The following TXK variants were observed in gnomAD, a reference collection of about 807,000 sequenced individuals.
The protein encoded by TXK is TXK tyrosine kinase.
Under a neutral mutation model 81.0 loss-of-function variants are expected in TXK, and 60 were observed. The ratio of observed to expected loss-of-function variants is 0.74; its 90% CI spans 0.60 to 0.92. The LOEUF is 0.92. Among genes scored for constraint, TXK ranks in the 40% least tolerant of loss-of-function variants. The pLI is 0.00. For missense variants in TXK, 581 were observed against 638.3 expected, an observed-to-expected ratio of 0.91 and a Z score of 0.97; for synonymous variants, 203 against 210.7, an observed-to-expected ratio of 0.96 and a Z score of 0.32.
chr4:48,106,265 C>A (rs940112440), intron 5 of TXK: 10 of 152,010 alleles, frequency 6.6e-5, no homozygotes, highest in African/African-American at 2.4e-4. Context: ...AATTCAAGAT[C>A]TTTTAAAATA....
chr4:48,097,587 G>A (rs1170667397), intron 6 of TXK, among the ~76,000 whole-genome samples: 1 of 151,546 alleles, frequency 6.6e-6, no homozygotes, highest in African/African-American at 2.4e-5. Flanking sequence ...ACAGGCGCCT[G>A]CCACCATGCC....
At chr4:48,108,027 C>T (rs891425364) in intron 5 of TXK, among the ~76,000 whole-genome samples, 15 of 151,620 alleles carry the variant, frequency 9.9e-5, no homozygotes, top group Non-Finnish European at 5.9e-5. Context: ...GCCGAGATCA[C>T]GACACTGCAC....
At chr4:48,089,923 C>A in intron 8 of TXK, 99 bp from the exon 9 acceptor site, 1 of 814,922 alleles carries the variant, frequency 1.2e-6, no homozygotes, top group Non-Finnish European at 1.9e-6. Context: ...AATAATTAGA[C>A]AAACAAAATT....
chr4:48,128,899 T>C (rs1719167006), intron 1 of TXK, among the ~76,000 whole-genome samples: 1 of 151,952 alleles, frequency 6.6e-6, no homozygotes, highest in South Asian at 2.1e-4. Context: ...TTAAGGGCCT[T>C]TTGAAGATAG....
Position 48,073,947 on chromosome 4 carries a change from C to G in TXK, c.1345G>C (p.Val449Leu). 3 of 1,605,872 alleles carry G rather than the reference C, an allele frequency of 1.9e-6. No individual in the cohort carries two copies. Among genetic ancestry groups the G allele is most frequent in the Non-Finnish European group, 2.6e-6 (3 of 1,173,884 alleles). The change falls in exon 13 of 15, where the codon GTC becomes CTC. Residue 449 changes from valine to leucine, a missense_variant. Physicochemically the swap from Val to Leu is conservative, Grantham distance 32. Transcript: ENST00000264316. ...LFNKYSSKSD[V>L]WSFGVLMWEV... Reference sequence around the variant, plus strand: ...CAGATGCACTCACCAAATGACCAGACATCAGATTTACTGCTGTACTTATTG... The same window carrying G: ...CAGATGCACTCACCAAATGACCAGAGATCAGATTTACTGCTGTACTTATTG...
At chr4:48,107,548 C>T (rs1718495476) in intron 5 of TXK, among the ~76,000 whole-genome samples, 1 of 151,710 alleles carries the variant, frequency 6.6e-6, no homozygotes, top group South Asian at 2.1e-4. Context: ...TATTTTTTTT[C>T]TTCAACTTTT....
chr4:48,069,304 A>G (rs1020179198), intron 14 of TXK, among the ~76,000 whole-genome samples: 2 of 145,876 alleles, frequency 1.4e-5, no homozygotes, highest in Admixed American at 7.1e-5. Context: ...TCTGTCTCAA[A>G]AATAAATCAA....
intron 1 of TXK, 127 bp from the exon 2 acceptor site, chr4:48,114,529 T>G: frequency 1.1e-6 from 1 of 943,018 alleles, no homozygotes; most frequent in Admixed American, 2.1e-5. Context: ...CTTCCTTCAC[T>G]AGTGGAAGAC....
At chr4:48,095,561 C>T (rs1407293044) in intron 6 of TXK, among the ~76,000 whole-genome samples, 3 of 152,230 alleles carry the variant, frequency 2.0e-5, no homozygotes, top group Non-Finnish European at 2.9e-5. Context: ...TTAAAAATCA[C>T]TGTAGAATAG....
intron 10 of TXK, among the ~76,000 whole-genome samples, chr4:48,085,843 G>C (rs985583634): frequency 1.5e-4 from 23 of 152,212 alleles, no homozygotes; most frequent in East Asian, 3.9e-4. Context: ...ATCCCGCTGA[G>C]AGCCATCTCC....
rs183960368 is a variant in TXK at position 48,120,677 on chromosome 4, G to A, written c.17-6275C>T. On this transcript the variant is annotated intron_variant, in intron 1 of 14. Coordinates refer to ENST00000264316, the MANE Select transcript of TXK (RefSeq NM_003328.3). ...GGCTAATTTTTGTATTTTTAGTAGA[G>A]ATGGGGTTTCACCATTTTGGCTAGG... Among the ~76,000 whole-genome samples the A allele has an allele frequency of 2.4e-3, 372 of 152,100 alleles. 3 individuals carry two copies. Among genetic ancestry groups the A allele is most frequent in the African/African-American group, 8.2e-3 (340 of 41,476 alleles).
intron 6 of TXK, among the ~76,000 whole-genome samples, chr4:48,095,672 C>T (rs879862705): frequency 6.6e-6 from 1 of 151,816 alleles, no homozygotes; most frequent in East Asian, 1.9e-4. Flanking sequence ...GGGAAGGACA[C>T]CAGAGTTCAT....
Position 48,089,798 on chromosome 4 carries a change from C to G in TXK, c.736G>C (p.Val246Leu). ...GGTAAACAACTGCCCATCAGCCCAA[C>G]TGGATATCGGAGACGAGTCATGAGA... is the stretch of plus-strand genomic sequence containing the variant. ...AGLMTRLRYPVGLMGSCLPAT... is the reference protein window; with the variant it reads ...AGLMTRLRYPLGLMGSCLPAT... The change falls in exon 9 of 15, where the codon GTT becomes CTT. Residue 246 changes from valine to leucine, a missense_variant. Coordinates refer to ENST00000264316, the MANE Select transcript of TXK (RefSeq NM_003328.3). 3 of 1,613,606 alleles carry G rather than the reference C, an allele frequency of 1.9e-6. No homozygotes were observed. Among genetic ancestry groups the G allele is most frequent in the Non-Finnish European group, 2.5e-6 (3 of 1,179,666 alleles).
intron 1 of TXK, among the ~76,000 whole-genome samples, chr4:48,122,579 T>C (rs185242473): frequency 7.9e-5 from 12 of 152,354 alleles, no homozygotes; most frequent in Admixed American, 7.8e-4. Context: ...CCTTTTTTTC[T>C]TTGCTGTTTG....
At chr4:48,113,414 C>A in intron 2 of TXK, 105 bp from the exon 3 acceptor site, 1 of 819,400 alleles carries the variant, frequency 1.2e-6, no homozygotes, top group Non-Finnish European at 1.9e-6. Flanking sequence ...GGTCTCTTTC[C>A]AACTCCATTT....
At chr4:48,115,096 A>G (rs961671884) in intron 1 of TXK, among the ~76,000 whole-genome samples, 4 of 151,834 alleles carry the variant, frequency 2.6e-5, no homozygotes, top group African/African-American at 9.7e-5. Flanking sequence ...GGTTTGTTAC[A>G]TAGATATATA....
chr4:48,108,090 A>C (rs568443309), intron 5 of TXK, among the ~76,000 whole-genome samples: 44 of 152,078 alleles, frequency 2.9e-4, no homozygotes, highest in African/African-American at 1.1e-3. Flanking sequence ...TAAATAAATA[A>C]ATAAAATTGT....
rs1022725343 is a variant in TXK at position 48,087,673 on chromosome 4, G to A, written c.785-1036C>T. The stretch of plus-strand genomic sequence containing the variant: ...TGGTCTCAAACTCCTGAGCTCAGGC[G>A]ATCTGCCCACCTCAGTCTCCCAAAG... On this transcript the variant is annotated intron_variant, in intron 9 of 14. Transcript: ENST00000264316. Among the ~76,000 whole-genome samples, 72 of 152,140 alleles carry A rather than the reference G, an allele frequency of 4.7e-4. 1 individual carries two copies. Among genetic ancestry groups the A allele is most frequent in the Non-Finnish European group, 3.7e-4 (25 of 67,990 alleles).
intron 1 of TXK, 74 bp downstream of exon 1, chr4:48,134,081 C>T: frequency 1.9e-6 from 3 of 1,543,424 alleles, no homozygotes; most frequent in Non-Finnish European, 2.6e-6. Flanking sequence ...AAAAAAAAAA[C>T]TTCCTCTGCT....
Sources: gnomAD v4.1 joint callset for allele counts (sites outside exome capture counted in the v4.1 genomes callset) on GRCh38, gnomAD v4.1.1 for gene constraint, MANE v1.5 for transcripts, NCBI Gene and HGNC (gene_info 2026-07-23, HGNC 2026-07-21) for gene names.